Variants in EIF4G3 observed in about 807,000 individuals in gnomAD.
EIF4G3 encodes the protein eIF-4-gamma 3.
EIF4G3 carries 34 observed loss-of-function variants against 186.4 expected under a neutral mutation model. The observed-to-expected ratio is 0.18, with a 90% CI of 0.14 to 0.24. EIF4G3 has a LOEUF of 0.24. EIF4G3 is among the 10% of genes least tolerant of loss of function. EIF4G3 has a pLI of 1.00. For synonymous variants in EIF4G3, 673 were observed against 679.5 expected, an observed-to-expected ratio of 0.99 and a Z score of 0.15; for missense variants, 1,536 against 1,948.5, an observed-to-expected ratio of 0.79 and a Z score of 3.99.
At chr1:21,120,041 T>G (rs180823709) in intron 2 of EIF4G3, among the ~76,000 whole-genome samples, 1 of 151,856 alleles carries the variant, frequency 6.6e-6, no homozygotes, top group Non-Finnish European at 1.5e-5. Flanking sequence ...TTGGTGAAAG[T>G]TATAACACGG....
chr1:21,020,850 A>T (rs751415034), intron 4 of EIF4G3, among the ~76,000 whole-genome samples: 2 of 152,242 alleles, frequency 1.3e-5, no homozygotes, highest in Non-Finnish European at 1.5e-5. Context: ...AATCAATTAT[A>T]GAAAGGGTAC....
At chr1:21,094,287 T>C (rs2096289794) in intron 2 of EIF4G3, among the ~76,000 whole-genome samples, 1 of 151,984 alleles carries the variant, frequency 6.6e-6, no homozygotes, top group African/African-American at 2.4e-5. Context: ...CAAAGGATTA[T>C]AAATCATGCT....
chr1:21,040,259 AAAAACCT>A (rs1361731767), intron 4 of EIF4G3, among the ~76,000 whole-genome samples: 1 of 152,186 alleles, frequency 6.6e-6, no homozygotes. Flanking sequence ...GAAGTCTCCA[AAAAACCT>A]AGGACACGGT....
At chr1:21,098,540 G>GAAAAA (rs59544256) in intron 2 of EIF4G3, among the ~76,000 whole-genome samples, 1 of 72,712 alleles carries the variant, frequency 1.4e-5, no homozygotes, top group African/African-American at 4.8e-5. Flanking sequence ...GCCCTGTCTC[G>GAAAAA]AAAAAAAAAA....
intron 29 of EIF4G3, among the ~76,000 whole-genome samples, chr1:20,845,438 G>A (rs1402455508): frequency 6.6e-6 from 1 of 152,130 alleles, no homozygotes; most frequent in Non-Finnish European, 1.5e-5. Context: ...CAAGGAGGGC[G>A]GATCACAAGG....
chr1:21,108,906 A>G (rs1481534582), intron 2 of EIF4G3, among the ~76,000 whole-genome samples: 1 of 143,298 alleles, frequency 7.0e-6, no homozygotes, highest in African/African-American at 2.6e-5. Flanking sequence ...CCATCTCAAA[A>G]AAAAAAAAAA....
chr1:20,952,859 GCAAACAAACAAA>G (rs71014132), intron 12 of EIF4G3, among the ~76,000 whole-genome samples: 3 of 150,986 alleles, frequency 2.0e-5, no homozygotes, highest in African/African-American at 7.3e-5. Context: ...TCGAAAACAA[GCAAACAAACAAA>G]CAAACAAACA....
rs756677264 is a variant in EIF4G3, at chr1:20,942,252, T to C, written c.902A>G (p.Glu301Gly). 3 of 1,613,914 alleles carry C rather than the reference T, an allele frequency of 1.9e-6. No homozygotes were observed. The highest frequency in any genetic ancestry group is 1.7e-5 in the Admixed American group (1 of 59,990). ...AGTTTCAGATGTCTGGCCTTCTTGT[T>C]CTTTCTTCTCTCCACTGAGGACTAG... ...LRLVLSGEKK[E>G]QEGQTSETTA... The change falls in exon 14 of 37, where the codon GAA becomes GGA. Residue 301 changes from glutamate (E) to glycine (G), a missense_variant. Glu to Gly is a moderately conservative substitution (Grantham distance 98). Coordinates refer to ENST00000602326, the MANE Select transcript of EIF4G3 (RefSeq NM_001391906.1).
At chr1:20,981,588 T>C (rs1270959530) in intron 8 of EIF4G3, among the ~76,000 whole-genome samples, 2 of 138,024 alleles carry the variant, frequency 1.4e-5, no homozygotes, top group Non-Finnish European at 3.1e-5. Flanking sequence ...ACTGTATGTA[T>C]ACATACATGT....
chr1:21,004,508 G>A (rs1036927025), intron 4 of EIF4G3, among the ~76,000 whole-genome samples: 2 of 151,960 alleles, frequency 1.3e-5, no homozygotes, highest in East Asian at 1.9e-4. Flanking sequence ...TCTTTCCCAC[G>A]AATGTAAAAA....
chr1:20,952,217 C>T (rs1472050811), intron 12 of EIF4G3, among the ~76,000 whole-genome samples: 5 of 146,522 alleles, frequency 3.4e-5, no homozygotes, highest in Non-Finnish European at 7.4e-5. Context: ...TGCAGTGGCA[C>T]AACCTTGGCT....
chr1:21,138,742 C>T (rs929673891), intron 2 of EIF4G3, among the ~76,000 whole-genome samples: 1 of 151,892 alleles, frequency 6.6e-6, no homozygotes, highest in Non-Finnish European at 1.5e-5. Flanking sequence ...ACCTGGGAGG[C>T]CCAGGTTGCA....
intron 2 of EIF4G3, among the ~76,000 whole-genome samples, chr1:21,140,477 C>T (rs893634537): frequency 5.9e-5 from 9 of 152,170 alleles, no homozygotes; most frequent in African/African-American, 1.4e-4. Context: ...CCATGCATGG[C>T]TAATTTCTGT....
chr1:21,057,476 A>G (rs2094613542), intron 3 of EIF4G3, among the ~76,000 whole-genome samples: 1 of 152,192 alleles, frequency 6.6e-6, no homozygotes, highest in Non-Finnish European at 1.5e-5. Flanking sequence ...AGATGTACAC[A>G]TGTTTAGCAA....
chr1:20,897,496 T>C (rs565092202), intron 16 of EIF4G3, among the ~76,000 whole-genome samples: 1 of 149,848 alleles, frequency 6.7e-6, no homozygotes, highest in African/African-American at 2.4e-5. Flanking sequence ...ATACTAAGTT[T>C]TTTCTCCTGC....
intron 7 of EIF4G3, among the ~76,000 whole-genome samples, chr1:20,984,183 G>A (rs1048754303): frequency 1.3e-5 from 2 of 151,868 alleles, no homozygotes; most frequent in African/African-American, 4.8e-5. Context: ...TTTTGTCGGG[G>A]GGAGATGGAG....
chr1:21,114,367 G>A (rs2096780598), intron 2 of EIF4G3, among the ~76,000 whole-genome samples: 1 of 152,086 alleles, frequency 6.6e-6, no homozygotes, highest in South Asian at 2.1e-4. Context: ...GGATGTTCTC[G>A]ATCCACCCGC....
chr1:21,006,336 C>T (rs1415227155), intron 4 of EIF4G3, among the ~76,000 whole-genome samples: 3 of 152,150 alleles, frequency 2.0e-5, no homozygotes, highest in African/African-American at 7.2e-5. Context: ...AAACTAGGGA[C>T]AGATCAATGA....
At chr1:21,038,078 C>G (rs1169458759) in intron 4 of EIF4G3, among the ~76,000 whole-genome samples, 1 of 152,188 alleles carries the variant, frequency 6.6e-6, no homozygotes, top group East Asian at 1.9e-4. Flanking sequence ...GAAATCATCA[C>G]CATTTTTGTA....
Sources: gnomAD v4.1 joint callset for allele counts (sites outside exome capture counted in the v4.1 genomes callset) on GRCh38, gnomAD v4.1.1 for gene constraint, MANE v1.5 for transcripts, NCBI Gene and HGNC (gene_info 2026-07-23, HGNC 2026-07-21) for gene names.